The following CNTN5 variants were observed in gnomAD, a reference collection of about 807,000 sequenced individuals.
CNTN5 encodes contactin-5.
CNTN5 carries 77 observed loss-of-function variants against 129.1 expected under a neutral mutation model. That is an observed-to-expected ratio of 0.60 (90% CI 0.50 to 0.72). CNTN5 has a LOEUF of 0.72. Ranked by LOEUF, CNTN5 falls within the 30% of genes least tolerant of loss-of-function variation. The probability of loss-of-function intolerance (pLI) is 0.00; values close to 1 mark genes in which losing one functional copy is unlikely to be tolerated. For synonymous variants in CNTN5, 509 were observed against 465.6 expected (o/e 1.09, Z -1.20); for missense variants, 1,478 against 1,328.8 (o/e 1.11, Z -1.75).
At chr11:99,994,302 A>T (rs2137429856) in intron 8 of CNTN5, among the ~76,000 whole-genome samples, 1 of 139,528 alleles carries the variant, frequency 7.2e-6, no homozygotes, top group Middle Eastern at 3.7e-3. Context: ...TAGATTCTGA[A>T]GAGCCTAAAA....
chr11:99,270,882 C>T (rs1054430067), intron 1 of CNTN5, among the ~76,000 whole-genome samples: 6 of 151,890 alleles, frequency 4.0e-5, no homozygotes, highest in Non-Finnish European at 7.4e-5. Flanking sequence ...TTGTATTCAA[C>T]GTAATGGCAT....
rs117290717 is a variant in CNTN5, at chr11:99,450,934, C to G, written c.-70-105211C>G. Among the ~76,000 whole-genome samples the G allele has an allele frequency of 8.0e-3, 1,212 of 151,946 alleles. 6 individuals are homozygous for G. Among genetic ancestry groups the G allele is most frequent in the Admixed American group, 0.011 (173 of 15,246 alleles). ...CTATATCTAAATAATAAGAATTATT[C>G]TAATATTAATGTACTCAATGGAGCA... On this transcript the variant is annotated intron_variant, in intron 2 of 24. Transcript: ENST00000524871.
chr11:99,437,380 TAATA>T (rs1943641018), intron 2 of CNTN5, among the ~76,000 whole-genome samples: 1 of 152,150 alleles, frequency 6.6e-6, no homozygotes, highest in Non-Finnish European at 1.5e-5. Flanking sequence ...TTATTATTCT[TAATA>T]AATATATATT....
intron 3 of CNTN5, among the ~76,000 whole-genome samples, chr11:99,640,790 C>A (rs747154413): frequency 1.3e-5 from 2 of 152,266 alleles, no homozygotes; most frequent in Non-Finnish European, 2.9e-5. Context: ...GATATTTGCA[C>A]AATAAAATTG....
intron 9 of CNTN5, among the ~76,000 whole-genome samples, chr11:100,044,622 C>CT (rs970974621): frequency 5.4e-4 from 80 of 148,774 alleles, no homozygotes; most frequent in African/African-American, 1.0e-3. Context: ...ATTTTTGTGT[C>CT]TTTTTTTTTG....
At chr11:99,939,968 T>TG (rs1950398508) in intron 7 of CNTN5, among the ~76,000 whole-genome samples, 1 of 152,178 alleles carries the variant, frequency 6.6e-6, no homozygotes, top group South Asian at 2.1e-4. Context: ...ATAACCCAAA[T>TG]GGTTGGCAAC....
intron 1 of CNTN5, among the ~76,000 whole-genome samples, chr11:99,192,666 C>A (rs897088633): frequency 6.6e-6 from 1 of 151,912 alleles, no homozygotes; most frequent in Non-Finnish European, 1.5e-5. Flanking sequence ...ACTGAACATG[C>A]TACAAACAAA....
chr11:99,593,945 C>T (rs549652665), intron 3 of CNTN5, among the ~76,000 whole-genome samples: 8 of 152,250 alleles, frequency 5.3e-5, no homozygotes, highest in African/African-American at 1.9e-4. Context: ...AGGTCAACAG[C>T]GTGAAGTGTG....
chr11:99,656,024 AG>A (rs1952349239), intron 3 of CNTN5, among the ~76,000 whole-genome samples: 1 of 150,650 alleles, frequency 6.6e-6, no homozygotes, highest in African/African-American at 2.4e-5. Context: ...CTCTGAATAC[AG>A]GTATGTGTGT....
In CNTN5 at chr11:99,419,006, C is replaced by T. The variant is rs7109529; in HGVS notation, c.-71+93522C>T. On this transcript the variant is annotated intron_variant, in intron 2 of 24. Transcript: ENST00000524871. The stretch of plus-strand genomic sequence containing the variant: ...GCCTTCTAATACTCAGTGTCCTCAA[C>T]TATAAAATGGGAGGATTATGCATGA... Among the ~76,000 whole-genome samples the T allele has an allele frequency of 8.1e-3, 1,226 of 152,294 alleles. 12 individuals carry two copies. Among genetic ancestry groups the T allele is most frequent in the African/African-American group, 0.028 (1,162 of 41,566 alleles).
intron 1 of CNTN5, among the ~76,000 whole-genome samples, chr11:99,231,650 T>G (rs1378594815): frequency 6.6e-6 from 1 of 152,182 alleles, no homozygotes; most frequent in Admixed American, 6.5e-5. Flanking sequence ...GCTCTTTAGT[T>G]AAACTAGATC....
At chr11:100,213,419 A>G (rs893381539) in intron 15 of CNTN5, among the ~76,000 whole-genome samples, 3 of 152,166 alleles carry the variant, frequency 2.0e-5, no homozygotes, top group Non-Finnish European at 4.4e-5. Context: ...ACAGTTAGAG[A>G]ACAATGAGCA....
chr11:99,850,640 A>T (rs1250906491), intron 6 of CNTN5, among the ~76,000 whole-genome samples: 1 of 152,082 alleles, frequency 6.6e-6, no homozygotes, highest in Non-Finnish European at 1.5e-5. Context: ...GCTGTGTAAG[A>T]TATATGCTCA....
intron 3 of CNTN5, among the ~76,000 whole-genome samples, chr11:99,675,925 T>C (rs1953261280): frequency 1.3e-5 from 2 of 152,136 alleles, no homozygotes; most frequent in South Asian, 4.1e-4. Context: ...TAATATTAGA[T>C]AATATGTGAG....
intron 4 of CNTN5, among the ~76,000 whole-genome samples, chr11:99,830,913 T>C (rs1057196223): frequency 3.3e-5 from 5 of 152,178 alleles, no homozygotes; most frequent in Admixed American, 3.3e-4. Context: ...CAGGAACCTA[T>C]TTGAGGACTG....
chr11:100,311,363 G>A (rs1447404730), intron 21 of CNTN5, among the ~76,000 whole-genome samples: 1 of 151,346 alleles, frequency 6.6e-6, no homozygotes, highest in African/African-American at 2.4e-5. Context: ...GTGGGTTTTA[G>A]AGTGAAAATC....
intron 7 of CNTN5, among the ~76,000 whole-genome samples, chr11:99,943,395 G>A (rs1950485993): frequency 6.6e-6 from 1 of 151,796 alleles, no homozygotes; most frequent in South Asian, 2.1e-4. Context: ...GTTTTTTCTT[G>A]TAAATTTGTT....
At chr11:100,056,650 A>G (rs1165103146) in intron 9 of CNTN5, among the ~76,000 whole-genome samples, 2 of 151,824 alleles carry the variant, frequency 1.3e-5, no homozygotes, top group Admixed American at 6.6e-5. Flanking sequence ...AGATACTGGT[A>G]GTAATGATAG....
At chr11:99,669,465 T>G (rs1952942796) in intron 3 of CNTN5, among the ~76,000 whole-genome samples, 1 of 77,650 alleles carries the variant, frequency 1.3e-5, no homozygotes, top group Admixed American at 1.5e-4. Flanking sequence ...TGTGTGTGTG[T>G]GTGTGTGTAT....
Sources: gnomAD v4.1 joint callset for allele counts (sites outside exome capture counted in the v4.1 genomes callset) on GRCh38, gnomAD v4.1.1 for gene constraint, MANE v1.5 for transcripts, NCBI Gene and HGNC (gene_info 2026-07-23, HGNC 2026-07-21) for gene names.